The following SLC44A3 variants were observed in gnomAD, a reference collection of about 807,000 sequenced individuals.
SLC44A3 encodes the protein solute carrier family 44 member 3, also known as choline transporter-like protein 3.
In SLC44A3, 74 loss-of-function variants were observed where a neutral mutation model predicts 75.4. That is an observed-to-expected ratio of 0.98 (90% CI 0.81 to 1.19). SLC44A3 has a LOEUF of 1.19. SLC44A3 is among the 50% of genes most tolerant of loss of function. SLC44A3 has a pLI of 0.00. For synonymous variants in SLC44A3, 310 were observed against 296.9 expected, an observed-to-expected ratio of 1.04 and a Z score of -0.45; for missense variants, 700 against 778.6, an observed-to-expected ratio of 0.90 and a Z score of 1.20.
intron 8 of SLC44A3, 62 bp downstream of exon 8, chr1:94,842,186 T>C: frequency 2.7e-6 from 4 of 1,504,086 alleles, no homozygotes; most frequent in Non-Finnish European, 3.5e-6. Context: ...ATCCAAATCA[T>C]TGAATTCTAG....
intron 10 of SLC44A3, among the ~76,000 whole-genome samples, chr1:94,860,074 G>A (rs953016022): frequency 6.6e-6 from 1 of 152,160 alleles, no homozygotes; most frequent in Non-Finnish European, 1.5e-5. Flanking sequence ...CATGATGAAT[G>A]CCTCTAAGTG....
intron 12 of SLC44A3, 42 bp from the exon 13 acceptor site, chr1:94,891,088 T>C: frequency 6.5e-7 from 1 of 1,548,052 alleles, no homozygotes; most frequent in East Asian, 2.3e-5. Flanking sequence ...TAAAAACAAT[T>C]GTTATAAGAA....
chr1:94,856,089 G>C (rs1007609101), intron 9 of SLC44A3, among the ~76,000 whole-genome samples: 2 of 152,192 alleles, frequency 1.3e-5, no homozygotes, highest in Admixed American at 6.5e-5. Flanking sequence ...AGAAAAGAAA[G>C]CAGGGTATAG....
At chr1:94,835,142 A>C (rs1662611987) in intron 5 of SLC44A3, among the ~76,000 whole-genome samples, 1 of 152,170 alleles carries the variant, frequency 6.6e-6, no homozygotes, top group African/African-American at 2.4e-5. Context: ...CACGAGAAAC[A>C]TGGAAAAACT....
rs551940389 is a variant in SLC44A3 at position 94,837,820 on chromosome 1, G to C, written c.619G>C (p.Gly207Arg). ...DVDTLHRILS[G>R]IMSGRDTILG... is the part of the protein sequence containing the mutation. ...TGACACCCTCCACCGAATTCTAAGTGGAATCATGTCGGGAAGAGATACAAT... is the reference window on the plus strand; with the variant it reads ...TGACACCCTCCACCGAATTCTAAGTCGAATCATGTCGGGAAGAGATACAAT... Residue 207 changes from glycine to arginine, a missense_variant, in exon 6 of 15, where the codon GGA becomes CGA. Physicochemically the swap from Gly to Arg is moderately radical, Grantham distance 125. Transcript: ENST00000271227. 1.2e-6 allele frequency: 2 copies of C among 1,612,424 alleles called. No homozygotes were observed. Among genetic ancestry groups the C allele is most frequent in the African/African-American group, 2.7e-5 (2 of 74,940 alleles).
intron 12 of SLC44A3, among the ~76,000 whole-genome samples, chr1:94,877,941 CAG>C (rs1191456856): frequency 6.6e-6 from 1 of 152,144 alleles, no homozygotes; most frequent in Non-Finnish European, 1.5e-5. Flanking sequence ...AAAGCAACAA[CAG>C]AGAAATTTGG....
At chr1:94,859,491 TGAG>T (rs1447647161) in intron 10 of SLC44A3, among the ~76,000 whole-genome samples, 4 of 152,184 alleles carry the variant, frequency 2.6e-5, no homozygotes, top group Non-Finnish European at 4.4e-5. Flanking sequence ...GTTGGCTGCA[TGAG>T]GAGGACAAAT....
intron 9 of SLC44A3, among the ~76,000 whole-genome samples, chr1:94,851,300 C>T (rs1225629634): frequency 6.6e-6 from 1 of 152,090 alleles, no homozygotes; most frequent in African/African-American, 2.4e-5. Flanking sequence ...TCATGCCTGC[C>T]CTGTCAGCCC....
chr1:94,864,927 G>A (rs147787519), intron 11 of SLC44A3, 28 bp downstream of exon 11: 8 of 1,606,488 alleles, frequency 5.0e-6, no homozygotes, highest in Non-Finnish European at 5.9e-6. Context: ...TACACAGCAC[G>A]TTCTGTGTTT....
At position 94,842,080 on chromosome 1, in the gene SLC44A3, A is replaced by G. The variant is rs118089857; in HGVS notation, c.841A>G (p.Met281Val). The change falls in exon 8 of 15, where the codon ATG (methionine) becomes GTG (valine). Residue 281 changes from methionine (M) to valine (V), a missense_variant. Met to Val is a conservative substitution (Grantham distance 21, BLOSUM62 1). Coordinates refer to ENST00000271227, the MANE Select transcript of SLC44A3 (RefSeq NM_001114106.3). Reference protein sequence around the residue: ...SIELDTERENMKCVLGFAIVS... With the variant: ...SIELDTERENVKCVLGFAIVS... ...AGAATTGGACACAGAAAGGGAAAATATGAAGTGCGTGCTGGGGTTTGCTAT... is the reference window on the plus strand; with the variant it reads ...AGAATTGGACACAGAAAGGGAAAATGTGAAGTGCGTGCTGGGGTTTGCTAT... 388 of 1,613,564 alleles carry G rather than the reference A, an allele frequency of 2.4e-4. 3 individuals carry two copies. In the East Asian group the frequency reaches 7.0e-3, roughly 29 times the overall value.
chr1:94,846,168 TATGC>T (rs1487814778), intron 9 of SLC44A3, among the ~76,000 whole-genome samples: 2 of 143,800 alleles, frequency 1.4e-5, no homozygotes, highest in South Asian at 4.6e-4. Flanking sequence ...AAAAAAGTGT[TATGC>T]CCAGCAGAGC....
chr1:94,887,008 A>T (rs6661181), intron 12 of SLC44A3, among the ~76,000 whole-genome samples: 1 of 151,860 alleles, frequency 6.6e-6, no homozygotes, highest in African/African-American at 2.4e-5. Context: ...GCCGAATGCC[A>T]CTACCTCCTG....
intron 4 of SLC44A3, 73 bp from the exon 5 acceptor site, chr1:94,828,420 T>C: frequency 8.1e-7 from 1 of 1,234,170 alleles, no homozygotes; most frequent in East Asian, 2.4e-5. Flanking sequence ...CTTTCTGGTT[T>C]GGTAACATGG....
At position 94,895,206 on chromosome 1, in the gene SLC44A3, G is replaced by GT. The variant is rs1039334851; in HGVS notation, c.*285dup. ...ACTATGTAAGAACTGAGGTAAGTTT[G>GT]TAAGTGCACAACTAATAAATAAACC... is the stretch of plus-strand genomic sequence containing the variant. On this transcript the variant is annotated 3_prime_UTR_variant, in exon 15 of 15. Transcript: ENST00000271227. The GT allele has an allele frequency of 1.1e-5, 3 of 276,484 alleles. No homozygotes were observed. Among genetic ancestry groups the GT allele is most frequent in the Non-Finnish European group, 2.1e-5 (3 of 145,882 alleles). 17.1% of individuals were successfully genotyped at this position (276,484 alleles called of 1,614,324 possible).
chr1:94,864,373 A>G (rs1324293117), intron 10 of SLC44A3, among the ~76,000 whole-genome samples: 1 of 152,170 alleles, frequency 6.6e-6, no homozygotes, highest in Non-Finnish European at 1.5e-5. Context: ...GGCAATATTT[A>G]TGTATACTCC....
At chr1:94,837,420 T>C (rs1041301619) in intron 5 of SLC44A3, among the ~76,000 whole-genome samples, 1 of 152,208 alleles carries the variant, frequency 6.6e-6, no homozygotes, top group Non-Finnish European at 1.5e-5. Context: ...AATATCACAT[T>C]GTATACCTTA....
chr1:94,826,367 A>T (rs1415882188), intron 3 of SLC44A3, among the ~76,000 whole-genome samples: 1 of 152,122 alleles, frequency 6.6e-6, no homozygotes, highest in Non-Finnish European at 1.5e-5. Flanking sequence ...AAAGATTCAG[A>T]TGGGGCTGGT....
At chr1:94,885,240 A>AAAAAG (rs1387806523) in intron 12 of SLC44A3, among the ~76,000 whole-genome samples, 1 of 151,574 alleles carries the variant, frequency 6.6e-6, no homozygotes, top group Non-Finnish European at 1.5e-5. Context: ...AAAAAAAAAA[A>AAAAAG]AAAGAGGCAG....
chr1:94,857,649 A>G (rs770415855), intron 10 of SLC44A3, 149 bp downstream of exon 10: 14 of 739,944 alleles, frequency 1.9e-5, no homozygotes, highest in Non-Finnish European at 2.8e-5. Flanking sequence ...TTTGGGCTGT[A>G]TTCTCATTTG....
Sources: gnomAD v4.1 joint callset for allele counts (sites outside exome capture counted in the v4.1 genomes callset) on GRCh38, gnomAD v4.1.1 for gene constraint, MANE v1.5 for transcripts, NCBI Gene and HGNC (gene_info 2026-07-23, HGNC 2026-07-21) for gene names.